FGGY: variants seen among roughly 807,000 people sequenced by gnomAD.
FGGY encodes FGGY carbohydrate kinase domain-containing protein.
A neutral mutation model predicts 71.3 loss-of-function variants in FGGY; 72 were observed. The ratio of observed to expected loss-of-function variants is 1.01; its 90% CI spans 0.84 to 1.23. The LOEUF is 1.23. FGGY is among the 50% of genes most tolerant of loss of function. FGGY has a pLI of 0.00. For synonymous variants in FGGY, 251 were observed against 250.3 expected (o/e 1.00, Z -0.02); for missense variants, 668 against 682.3 (o/e 0.98, Z 0.23).
chr1:59,381,883 A>C (rs1274772059), intron 5 of FGGY, among the ~76,000 whole-genome samples: 2 of 152,214 alleles, frequency 1.3e-5, no homozygotes, highest in African/African-American at 4.8e-5. Flanking sequence ...ACTTGTATAA[A>C]ATACTCATTG....
chr1:59,296,827 C>A (rs1204427721), upstream of FGGY: 1 of 152,566 alleles, frequency 6.6e-6, no homozygotes, highest in African/African-American at 2.4e-5. Context: ...CGGGACCGCC[C>A]TGCTCAGGCG....
intron 14 of FGGY, among the ~76,000 whole-genome samples, chr1:59,705,839 T>A (rs989365048): frequency 6.6e-6 from 1 of 152,226 alleles, no homozygotes; most frequent in Non-Finnish European, 1.5e-5. Context: ...AAGACCTTTT[T>A]TCCCCTGGAC....
intron 2 of FGGY, among the ~76,000 whole-genome samples, chr1:59,328,023 T>A (rs1423078872): frequency 1.3e-5 from 2 of 152,202 alleles, no homozygotes; most frequent in Non-Finnish European, 2.9e-5. Flanking sequence ...TTTAGCATAA[T>A]TCTTAAGGGC....
chr1:59,386,836 G>A (rs1046439347), intron 5 of FGGY, among the ~76,000 whole-genome samples: 3 of 151,952 alleles, frequency 2.0e-5, no homozygotes, highest in Non-Finnish European at 2.9e-5. Context: ...TGCGAAAACG[G>A]TTGAATTTCT....
intron 8 of FGGY, among the ~76,000 whole-genome samples, chr1:59,599,162 G>C (rs2096552001): frequency 6.6e-6 from 1 of 152,064 alleles, no homozygotes; most frequent in Non-Finnish European, 1.5e-5. Context: ...AGAGTGCAGT[G>C]GCACGATCTT....
chr1:59,736,545 C>T (rs944031340), intron 14 of FGGY, among the ~76,000 whole-genome samples: 5 of 152,098 alleles, frequency 3.3e-5, no homozygotes, highest in African/African-American at 1.2e-4. Context: ...GCAAAGGTGA[C>T]TCTTGTTACG....
intron 4 of FGGY, among the ~76,000 whole-genome samples, chr1:59,349,018 A>G (rs1197065536): frequency 6.6e-6 from 1 of 152,174 alleles, no homozygotes; most frequent in African/African-American, 2.4e-5. Flanking sequence ...ACAAAATTGG[A>G]ATATAGAACT....
chr1:59,370,743 G>A (rs1243270297), intron 4 of FGGY, among the ~76,000 whole-genome samples: 3 of 151,316 alleles, frequency 2.0e-5, no homozygotes, highest in Non-Finnish European at 4.4e-5. Flanking sequence ...GAGAGTGGGG[G>A]CCAATATTCA....
intron 4 of FGGY, among the ~76,000 whole-genome samples, chr1:59,373,999 A>T (rs930106409): frequency 2.0e-5 from 3 of 152,212 alleles, no homozygotes; most frequent in Non-Finnish European, 4.4e-5. Flanking sequence ...ATGGGCAAGG[A>T]CTTCATGTCT....
chr1:59,714,865 G>C (rs76915178), intron 14 of FGGY, among the ~76,000 whole-genome samples: 3,083 of 152,300 alleles, frequency 0.02, 38 homozygotes, highest in Middle Eastern at 0.041. Flanking sequence ...CATATGAAAA[G>C]AAATCTTTGC....
chr1:59,341,006 T>G (rs1471409196), intron 3 of FGGY, among the ~76,000 whole-genome samples: 1 of 152,188 alleles, frequency 6.6e-6, no homozygotes, highest in African/African-American at 2.4e-5. Flanking sequence ...TGGGGCTAGA[T>G]TCTGTTAGAG....
At chr1:59,657,431 G>A (rs1200594904) in intron 11 of FGGY, among the ~76,000 whole-genome samples, 1 of 152,224 alleles carries the variant, frequency 6.6e-6, no homozygotes, top group African/African-American at 2.4e-5. Context: ...CAGAGGTGCT[G>A]TTGAGGCCAG....
chr1:59,380,322 G>C (rs1002460053), intron 5 of FGGY, among the ~76,000 whole-genome samples: 1 of 151,496 alleles, frequency 6.6e-6, no homozygotes. Context: ...GTAATGGAAT[G>C]GCTGGGTCAA....
chr1:59,376,249 TGGGC>T (rs1441725796), intron 4 of FGGY, among the ~76,000 whole-genome samples: 1 of 152,226 alleles, frequency 6.6e-6, no homozygotes, highest in Non-Finnish European at 1.5e-5. Flanking sequence ...CATCTTAGAA[TGGGC>T]GTTCAAAGAG....
chr1:59,614,856 C>T (rs1273132847), intron 9 of FGGY, among the ~76,000 whole-genome samples: 1 of 152,128 alleles, frequency 6.6e-6, no homozygotes, highest in African/African-American at 2.4e-5. Context: ...ACACCAATAA[C>T]AGACAAAGAG....
intron 9 of FGGY, among the ~76,000 whole-genome samples, chr1:59,615,283 T>A (rs542552168): frequency 2.0e-5 from 3 of 152,198 alleles, no homozygotes; most frequent in Non-Finnish European, 4.4e-5. Context: ...AACAGCATGG[T>A]ACTGGTATCA....
intron 8 of FGGY, among the ~76,000 whole-genome samples, chr1:59,577,587 CAA>C (rs2096104435): frequency 6.6e-6 from 1 of 151,774 alleles, no homozygotes; most frequent in African/African-American, 2.4e-5. Flanking sequence ...ATGGCAAATC[CAA>C]AAAGTAAGTA....
At chr1:59,404,405 C>T (rs1249766647) in intron 5 of FGGY, among the ~76,000 whole-genome samples, 5 of 152,060 alleles carry the variant, frequency 3.3e-5, no homozygotes, top group African/African-American at 1.2e-4. Flanking sequence ...AGCGTCAGTC[C>T]TTAAGAGGCT....
At chr1:59,737,130 A>G (rs1465629931) in intron 14 of FGGY, among the ~76,000 whole-genome samples, 3 of 152,216 alleles carry the variant, frequency 2.0e-5, no homozygotes, top group Non-Finnish European at 4.4e-5. Context: ...AGAAGTCAAG[A>G]ACTGGGGTTT....
Sources: allele counts gnomAD v4.1 joint callset (sites outside exome capture counted in the v4.1 genomes callset), GRCh38; gene constraint gnomAD v4.1.1; transcripts MANE v1.5; gene names NCBI Gene and HGNC (gene_info 2026-07-23, HGNC 2026-07-21).